Variants in GYS2 observed in about 807,000 individuals in gnomAD.
The protein encoded by GYS2 is glycogen [starch] synthase, liver.
GYS2 carries 80 observed loss-of-function variants against 85.6 expected under a neutral mutation model. The observed-to-expected ratio is 0.93, with a 90% CI of 0.78 to 1.13. GYS2 has a LOEUF of 1.13. Among genes scored for constraint, GYS2 ranks in the 50% most tolerant of loss-of-function variants. The pLI is 0.00. For missense variants in GYS2, 881 were observed against 854.9 expected (o/e 1.03, Z -0.38); for synonymous variants, 328 against 300.7 (o/e 1.09, Z -0.94).
At chr12:21,533,068 T>A (rs1006866650), downstream of GYS2, 1 of 150,510 alleles carries the variant, frequency 6.6e-6, no homozygotes, top group African/African-American at 2.5e-5. Context: ...TGGCTTGTGT[T>A]TTAAAATTGG....
intron 7 of GYS2, among the ~76,000 whole-genome samples, chr12:21,562,050 T>A (rs1944259539): frequency 6.6e-6 from 1 of 152,228 alleles, no homozygotes. Context: ...TATAAACCAA[T>A]AGCTGCCATC....
At chr12:21,538,303 C>A (rs1943933536) in intron 15 of GYS2, among the ~76,000 whole-genome samples, 1 of 152,060 alleles carries the variant, frequency 6.6e-6, no homozygotes. Flanking sequence ...CTCTGGAAAC[C>A]TGATATAGGT....
intron 3 of GYS2, among the ~76,000 whole-genome samples, chr12:21,574,720 T>C (rs1944425808): frequency 6.6e-6 from 1 of 152,118 alleles, no homozygotes; most frequent in African/African-American, 2.4e-5. Context: ...CACTTACTTA[T>C]AAGCTTATTT....
chr12:21,563,393 G>T (rs1167250317), intron 5 of GYS2, 48 bp from the exon 6 acceptor site: 2 of 951,338 alleles, frequency 2.1e-6, no homozygotes, highest in Non-Finnish European at 3.5e-6. Flanking sequence ...TTTCAAAGAG[G>T]GTACCATTGT....
chr12:21,550,259 G>T (rs2136857716), intron 11 of GYS2, among the ~76,000 whole-genome samples: 1 of 152,030 alleles, frequency 6.6e-6, no homozygotes, highest in South Asian at 2.1e-4. Context: ...GCTACTAGGT[G>T]TGCTCATTGT....
intron 11 of GYS2, among the ~76,000 whole-genome samples, chr12:21,550,067 T>G (rs1451902479): frequency 6.6e-6 from 1 of 152,178 alleles, no homozygotes; most frequent in African/African-American, 2.4e-5. Context: ...GGGAGCTCCT[T>G]CAAGTTTGTT....
intron 12 of GYS2, among the ~76,000 whole-genome samples, chr12:21,542,864 A>G (rs1026848779): frequency 6.6e-6 from 1 of 152,188 alleles, no homozygotes; most frequent in Admixed American, 6.5e-5. Flanking sequence ...GGTTCGTGGT[A>G]TAGCTGGGAT....
intron 11 of GYS2, among the ~76,000 whole-genome samples, chr12:21,553,080 C>T (rs1944133247): frequency 1.3e-5 from 2 of 152,292 alleles, no homozygotes; most frequent in East Asian, 1.9e-4. Flanking sequence ...GATGGGGTCC[C>T]ACTCTGTCGC....
intron 12 of GYS2, among the ~76,000 whole-genome samples, chr12:21,545,339 G>A (rs1944025855): frequency 6.6e-6 from 1 of 152,158 alleles, no homozygotes; most frequent in Admixed American, 6.5e-5. Flanking sequence ...CTACTCAAGA[G>A]GCTGAGGCAC....
intron 15 of GYS2, among the ~76,000 whole-genome samples, chr12:21,538,028 C>T (rs1943930588): frequency 1.3e-5 from 2 of 152,188 alleles, no homozygotes; most frequent in African/African-American, 4.8e-5. Flanking sequence ...GAACTGAGTT[C>T]TGCACTTGAG....
chr12:21,579,563 G>A (rs770889908), intron 2 of GYS2, among the ~76,000 whole-genome samples: 12 of 151,948 alleles, frequency 7.9e-5, no homozygotes, highest in Middle Eastern at 3.2e-3. Flanking sequence ...GTTTCACCAC[G>A]TTGACCAGGC....
intron 12 of GYS2, among the ~76,000 whole-genome samples, chr12:21,543,013 A>G (rs1217425807): frequency 1.3e-5 from 2 of 152,102 alleles, no homozygotes; most frequent in East Asian, 3.9e-4. Flanking sequence ...AGGTAGGTTA[A>G]ATATGTTTTG....
At chr12:21,543,714 A>C (rs1193400294) in intron 12 of GYS2, among the ~76,000 whole-genome samples, 1 of 152,102 alleles carries the variant, frequency 6.6e-6, no homozygotes. Flanking sequence ...TGCATGCATT[A>C]GGTATTTGTC....
intron 10 of GYS2, 114 bp downstream of exon 10, chr12:21,558,977 T>G: frequency 1.2e-5 from 8 of 649,460 alleles, no homozygotes; most frequent in Non-Finnish European, 2.2e-5. Flanking sequence ...AAGAATGTCT[T>G]TTCTAGCCTC....
intron 2 of GYS2, among the ~76,000 whole-genome samples, chr12:21,577,158 G>A (rs1022913739): frequency 6.6e-6 from 1 of 152,028 alleles, no homozygotes; most frequent in Non-Finnish European, 1.5e-5. Flanking sequence ...TTATAATTTA[G>A]TGTTTATCAT....
At position 21,537,133 on chromosome 12, in the gene GYS2, A is replaced by G; in HGVS notation, c.1933T>C (p.Ser645Pro). Reference protein sequence around the residue: ...KYPRPSSVPPSPSGSQASSPQ... With the variant: ...KYPRPSSVPPPPSGSQASSPQ... The stretch of plus-strand genomic sequence containing the variant: ...CTGGAGGCCTGAGACCCTGAAGGAG[A>G]AGGTGGTACTGAGGAAGGCCTGGGA... The change falls in exon 16 of 16, where the codon TCT becomes CCT. Residue 645 changes from serine to proline, a missense_variant. Ser to Pro is a moderately conservative substitution (Grantham distance 74, BLOSUM62 -1). Transcript: ENST00000261195. The G allele has an allele frequency of 6.2e-7, 1 of 1,613,886 alleles. No homozygotes were observed. Among genetic ancestry groups the G allele is most frequent in the Non-Finnish European group, 8.5e-7 (1 of 1,179,862 alleles).
At position 21,542,660 on chromosome 12, in the gene GYS2, G is replaced by T. The variant is rs1193224870; in HGVS notation, c.1550-69C>A. The T allele has an allele frequency of 3.2e-6, 3 of 952,242 alleles. No individual in the cohort carries two copies. The South Asian group carries it at 3.9e-5, about 13-fold the overall frequency. 59.0% of individuals were successfully genotyped at this position (952,242 alleles called of 1,614,324 possible). A position where few individuals can be genotyped will look rare whatever the true frequency, so the allele number is the denominator to read the frequency against. On this transcript the variant is annotated intron_variant, in intron 12 of 15. Transcript: ENST00000261195. ...TATATCCTTGTATGCACTCAGAGGA[G>T]GAAAAGGCCCTAGTCCTCCTAAGAA...
intron 2 of GYS2, among the ~76,000 whole-genome samples, chr12:21,578,783 C>T (rs941548973): frequency 6.6e-6 from 1 of 152,058 alleles, no homozygotes; most frequent in East Asian, 1.9e-4. Context: ...CTTCCCCATT[C>T]TCAGCGACTT....
chr12:21,541,801 G>A (rs917856284), intron 13 of GYS2, among the ~76,000 whole-genome samples: 4 of 151,966 alleles, frequency 2.6e-5, no homozygotes, highest in Admixed American at 6.6e-5. Flanking sequence ...TGATCCCATC[G>A]CCCAGGTGAT....
Sources: gnomAD v4.1 joint callset for allele counts (sites outside exome capture counted in the v4.1 genomes callset) on GRCh38, gnomAD v4.1.1 for gene constraint, MANE v1.5 for transcripts, NCBI Gene and HGNC (gene_info 2026-07-23, HGNC 2026-07-21) for gene names.